RREB1: variants seen among roughly 807,000 people sequenced by gnomAD.
The protein encoded by RREB1 is ras-responsive element-binding protein 1.
In RREB1, 27 loss-of-function variants were observed where a neutral mutation model predicts 117.8. The ratio of observed to expected loss-of-function variants is 0.23; its 90% CI spans 0.17 to 0.32. The LOEUF is 0.32. RREB1 is among the 10% of genes least tolerant of loss of function. The probability of loss-of-function intolerance (pLI) is 1.00; values close to 1 mark genes in which losing one functional copy is unlikely to be tolerated. For missense variants in RREB1, 2,577 were observed against 2,378.2 expected (o/e 1.08, Z -1.74); for synonymous variants, 1,298 against 1,026.7 (o/e 1.26, Z -5.05).
intron 1 of RREB1, among the ~76,000 whole-genome samples, chr6:7,121,062 G>C (rs943770322): frequency 6.6e-6 from 1 of 152,030 alleles, no homozygotes; most frequent in African/African-American, 2.4e-5. Flanking sequence ...AACCTCAGGT[G>C]ATCCACCCAC....
chr6:7,173,509 A>G (rs1319465754), intron 1 of RREB1, among the ~76,000 whole-genome samples: 3 of 151,934 alleles, frequency 2.0e-5, no homozygotes, highest in African/African-American at 7.3e-5. Context: ...ATGAAGAAAA[A>G]AAAAAAAAAG....
In RREB1 at chr6:7,231,355, G is replaced by T. The variant is rs763437605; in HGVS notation, c.3256G>T (p.Val1086Leu). ...GGCCCCCACCCTGCTGAAAACCAAG[G>T]TGGCGGACCCAGGGCCCGCAAGCAC... Reference protein sequence around the residue: ...SSAPTLLKTKVADPGPASTGS... With the variant: ...SSAPTLLKTKLADPGPASTGS... Residue 1086 changes from valine to leucine, a missense_variant, in exon 10 of 13, where the codon GTG (valine) becomes TTG (leucine). By Grantham distance (32) the Val-to-Leu change is conservative. Coordinates refer to ENST00000379938, the MANE Select transcript of RREB1 (RefSeq NM_001003699.4). 1 of 1,612,744 alleles carries T rather than the reference G, an allele frequency of 6.2e-7. No homozygotes were observed. The highest frequency in any genetic ancestry group is 1.3e-5 in the African/African-American group (1 of 74,846).
At chr6:7,114,748 A>G (rs1761314281) in intron 1 of RREB1, among the ~76,000 whole-genome samples, 1 of 152,196 alleles carries the variant, frequency 6.6e-6, no homozygotes, top group East Asian at 1.9e-4. Flanking sequence ...GCAAGTTCGA[A>G]GTTTCACAGA....
At chr6:7,143,594 C>G (rs754382265) in intron 1 of RREB1, among the ~76,000 whole-genome samples, 1 of 152,102 alleles carries the variant, frequency 6.6e-6, no homozygotes, top group Non-Finnish European at 1.5e-5. Flanking sequence ...TTTATCTAGA[C>G]CGTTTTGCCA....
intron 1 of RREB1, among the ~76,000 whole-genome samples, chr6:7,148,186 A>T (rs925443525): frequency 6.6e-6 from 1 of 152,130 alleles, no homozygotes; most frequent in East Asian, 1.9e-4. Context: ...TCCTACCTTG[A>T]TTCCCATTGA....
In RREB1 at chr6:7,210,888, C is replaced by G. The variant is rs1205397788; in HGVS notation, c.510C>G (p.Ser170=). ...CTCTGAAACGTAGGCGATTGTCCTC[C>G]AAGAGGAAACTGAGTCACGATGCCG... is the stretch of plus-strand genomic sequence containing the variant. ...PSPLKRRRLS[S]KRKLSHDAES... is the part of the protein sequence containing the mutation. Residue 170 remains serine (S), a synonymous_variant, in exon 7 of 13, where the codon TCC becomes TCG. Coordinates refer to ENST00000379938, the MANE Select transcript of RREB1 (RefSeq NM_001003699.4). 2 of 1,614,172 alleles carry G rather than the reference C, an allele frequency of 1.2e-6. No homozygotes were observed. Among genetic ancestry groups the G allele is most frequent in the South Asian group, 2.2e-5 (2 of 91,090 alleles).
In RREB1 at chr6:7,174,992, T is replaced by C. The variant is rs980376273; in HGVS notation, c.-284-1663T>C. On this transcript the variant is annotated intron_variant, in intron 1 of 12. Coordinates refer to ENST00000379938, the MANE Select transcript of RREB1 (RefSeq NM_001003699.4). The stretch of plus-strand genomic sequence containing the variant: ...TTATTAATTATGAGTAAAACTATGG[T>C]TCATGCTATTTATTTGGAGATCTTG... Among the ~76,000 whole-genome samples the C allele has an allele frequency of 3.9e-5, 6 of 152,184 alleles. 1 individual carries two copies. The highest frequency in any genetic ancestry group is 3.9e-4 in the Admixed American group (6 of 15,278).
intron 1 of RREB1, among the ~76,000 whole-genome samples, chr6:7,156,775 T>C (rs1763383259): frequency 1.3e-5 from 2 of 152,200 alleles, no homozygotes; most frequent in South Asian, 4.1e-4. Context: ...AAGACAATCT[T>C]AGTTTTCCTT....
intron 6 of RREB1, among the ~76,000 whole-genome samples, chr6:7,194,091 G>A (rs1464875843): frequency 2.6e-5 from 4 of 152,136 alleles, no homozygotes; most frequent in Non-Finnish European, 5.9e-5. Flanking sequence ...TAGTTTTGGG[G>A]GCAGCCATTT....
intron 1 of RREB1, among the ~76,000 whole-genome samples, chr6:7,131,155 T>C (rs1206749116): frequency 6.6e-6 from 1 of 151,502 alleles, no homozygotes; most frequent in East Asian, 1.9e-4. Flanking sequence ...CTCGATCTCC[T>C]GACCTTGCGA....
chr6:7,145,145 A>G (rs1762802238), intron 1 of RREB1, among the ~76,000 whole-genome samples: 1 of 152,214 alleles, frequency 6.6e-6, no homozygotes, highest in Admixed American at 6.5e-5. Context: ...GCCATAAACA[A>G]CAAGTTAGAG....
intron 1 of RREB1, among the ~76,000 whole-genome samples, chr6:7,164,649 A>G (rs533940439): frequency 2.4e-4 from 37 of 152,344 alleles, no homozygotes; most frequent in Non-Finnish European, 4.1e-4. Context: ...TTTTGCTGCT[A>G]TACTGAGTCC....
chr6:7,247,159 G>C lies in RREB1; in HGVS notation c.4709G>C (p.Ser1570Thr). 4 of 1,613,932 alleles carry C rather than the reference G, an allele frequency of 2.5e-6. No individual in the cohort carries two copies. Among genetic ancestry groups the C allele is most frequent in the Non-Finnish European group, 3.4e-6 (4 of 1,180,008 alleles). ...SKADKRKKVC[S>T]VCNKRFWSLQ... is the part of the protein sequence containing the mutation. Reference sequence around the variant, plus strand: ...GCAGACAAGAGGAAGAAGGTCTGCAGCGTGTGCAACAAGCGGTTCTGGTCG... The same window carrying C: ...GCAGACAAGAGGAAGAAGGTCTGCACCGTGTGCAACAAGCGGTTCTGGTCG... The change falls in exon 12 of 13, where the codon AGC (serine) becomes ACC (threonine). Residue 1570 changes from serine (S) to threonine (T), a missense_variant. Ser to Thr is a moderately conservative substitution (Grantham distance 58). Transcript: ENST00000379938.
chr6:7,167,648 T>A (rs1329238622), intron 1 of RREB1, among the ~76,000 whole-genome samples: 1 of 152,190 alleles, frequency 6.6e-6, no homozygotes, highest in Non-Finnish European at 1.5e-5. Context: ...GGAATTTTTT[T>A]AGAAGACCAT....
chr6:7,114,967 G>T (rs1488628339), intron 1 of RREB1, among the ~76,000 whole-genome samples: 1 of 149,302 alleles, frequency 6.7e-6, no homozygotes, highest in Non-Finnish European at 1.5e-5. Context: ...CCTCCTTCAT[G>T]TTCTAAGTTA....
chr6:7,114,961 C>T (rs948498485), intron 1 of RREB1, among the ~76,000 whole-genome samples: 27 of 151,048 alleles, frequency 1.8e-4, no homozygotes, highest in Non-Finnish European at 1.5e-5. Flanking sequence ...CTGCAGCCTC[C>T]TTCATGTTCT....
At chr6:7,150,811 G>A (rs780392306) in intron 1 of RREB1, among the ~76,000 whole-genome samples, 2 of 152,250 alleles carry the variant, frequency 1.3e-5, no homozygotes, top group African/African-American at 2.4e-5. Flanking sequence ...TGTGATAAGC[G>A]ACCTGCAGCC....
intron 1 of RREB1, among the ~76,000 whole-genome samples, chr6:7,151,243 T>C (rs1763109275): frequency 1.3e-5 from 2 of 152,152 alleles, no homozygotes; most frequent in Non-Finnish European, 2.9e-5. Context: ...TTACTAGATA[T>C]TGTATTATGT....
intron 1 of RREB1, among the ~76,000 whole-genome samples, chr6:7,163,367 C>G (rs1363618732): frequency 3.3e-5 from 5 of 152,018 alleles, no homozygotes; most frequent in Non-Finnish European, 7.4e-5. Context: ...TGAGGCTGTT[C>G]TTTGACTTCA....
Sources: gnomAD v4.1 joint callset for allele counts (sites outside exome capture counted in the v4.1 genomes callset) on GRCh38, gnomAD v4.1.1 for gene constraint, MANE v1.5 for transcripts, NCBI Gene and HGNC (gene_info 2026-07-23, HGNC 2026-07-21) for gene names.